Variants in PTPRT observed in about 807,000 individuals in gnomAD.
PTPRT encodes protein tyrosine phosphatase receptor type T.
PTPRT carries 56 observed loss-of-function variants against 176.8 expected under a neutral mutation model. The ratio of observed to expected loss-of-function variants is 0.32; its 90% CI spans 0.26 to 0.40. The LOEUF is 0.40. Ranked by LOEUF, PTPRT falls within the 10% of genes least tolerant of loss-of-function variation. The pLI, the probability that PTPRT is intolerant of heterozygous loss-of-function variation, is 1.00. For synonymous variants in PTPRT, 783 were observed against 739.0 expected, an observed-to-expected ratio of 1.06 and a Z score of -0.96; for missense variants, 1,540 against 1,908.2, an observed-to-expected ratio of 0.81 and a Z score of 3.60.
intron 6 of PTPRT, among the ~76,000 whole-genome samples, chr20:42,738,984 G>A (rs1022070313): frequency 6.6e-6 from 1 of 152,058 alleles, no homozygotes; most frequent in Non-Finnish European, 1.5e-5. Context: ...TGGGAGGATC[G>A]CTGAGCCTGG....
chr20:42,258,542 C>A (rs1167931905), intron 13 of PTPRT, among the ~76,000 whole-genome samples: 1 of 152,110 alleles, frequency 6.6e-6, no homozygotes, highest in African/African-American at 2.4e-5. Context: ...AAGTCTTGTT[C>A]AAATTTAGGT....
At chr20:42,035,037 T>C in the PTPRT span, among the ~76,000 whole-genome samples, 2 of 152,046 alleles carry the variant, frequency 1.3e-5, no homozygotes, top group Non-Finnish European at 2.9e-5. Flanking sequence ...GTTTGGAGAT[T>C]AGGCATAATT....
intron 1 of PTPRT, among the ~76,000 whole-genome samples, chr20:42,995,767 T>C (rs1445858999): frequency 6.6e-6 from 1 of 152,142 alleles, no homozygotes. Context: ...TTCATCCTTT[T>C]TTGAAAAGTC....
At chr20:42,554,329 C>T (rs569571782) in intron 7 of PTPRT, among the ~76,000 whole-genome samples, 1 of 152,242 alleles carries the variant, frequency 6.6e-6, no homozygotes, top group East Asian at 1.9e-4. Flanking sequence ...AAGCTTCGTG[C>T]ATTAATGGAT....
chr20:42,693,495 A>T (rs574805399), intron 6 of PTPRT, among the ~76,000 whole-genome samples: 3 of 152,314 alleles, frequency 2.0e-5, no homozygotes, highest in African/African-American at 7.2e-5. Flanking sequence ...ATGAGGTATT[A>T]AGCTACAGTA....
chr20:42,708,033 T>C (rs1224740923), intron 6 of PTPRT, among the ~76,000 whole-genome samples: 2 of 152,206 alleles, frequency 1.3e-5, no homozygotes, highest in African/African-American at 4.8e-5. Context: ...CTTAAAATTG[T>C]ATGCAATTAT....
intron 1 of PTPRT, among the ~76,000 whole-genome samples, chr20:42,960,061 G>A (rs190187868): frequency 1.3e-5 from 2 of 152,074 alleles, no homozygotes; most frequent in East Asian, 1.9e-4. Flanking sequence ...GGGTCCTTAG[G>A]TGACAATGAG....
chr20:42,939,242 A>G (rs551702954), intron 1 of PTPRT, among the ~76,000 whole-genome samples: 1 of 152,352 alleles, frequency 6.6e-6, no homozygotes, highest in Non-Finnish European at 1.5e-5. Flanking sequence ...CCTGCCAAGC[A>G]AGGTGGCCTT....
chr20:42,213,805 C>G (rs1315141851), intron 15 of PTPRT, among the ~76,000 whole-genome samples: 1 of 152,098 alleles, frequency 6.6e-6, no homozygotes, highest in Non-Finnish European at 1.5e-5. Flanking sequence ...CAGAGGGAGC[C>G]TGACCCCTCC....
intron 14 of PTPRT, 120 bp downstream of exon 14, chr20:42,248,567 C>T: frequency 7.6e-7 from 1 of 1,316,224 alleles, no homozygotes; most frequent in Non-Finnish European, 1.0e-6. Flanking sequence ...TTCCGGACCT[C>T]AATGGTTATA....
In PTPRT at chr20:42,628,584, T is replaced by C. The variant is rs116382255; in HGVS notation, c.1153+49282A>G. 6.4e-3 allele frequency among the ~76,000 whole-genome samples: 976 copies of C among 152,264 alleles called. 13 individuals carry two copies. Among genetic ancestry groups the C allele is most frequent in the African/African-American group, 0.023 (944 of 41,542 alleles). On this transcript the variant is annotated intron_variant, in intron 7 of 30. Transcript: ENST00000373187. ...ATCCATCCATTTACCTGAAGGTATGTTGACCATCTACTTTGTGTCAGGTAC... is the reference window on the plus strand; with the variant it reads ...ATCCATCCATTTACCTGAAGGTATGCTGACCATCTACTTTGTGTCAGGTAC...
intron 13 of PTPRT, among the ~76,000 whole-genome samples, chr20:42,259,277 T>C (rs1282798778): frequency 6.6e-6 from 1 of 152,196 alleles, no homozygotes; most frequent in Non-Finnish European, 1.5e-5. Context: ...ATAGAGAACG[T>C]CTTCTGGATG....
chr20:42,687,748 G>A (rs2075722784), intron 6 of PTPRT: 1 of 152,192 alleles, frequency 6.6e-6, no homozygotes, highest in South Asian at 2.1e-4. Context: ...GAAGAATGGG[G>A]TGAAAGAAAC....
At chr20:43,151,774 T>A (rs6030672) in intron 1 of PTPRT, among the ~76,000 whole-genome samples, 134,259 of 152,000 alleles carry the variant, frequency 0.88, 59,777 homozygotes, top group East Asian at 0.97. Context: ...GAGGTAGGAG[T>A]ATCACTTGAA....
Position 42,085,964 on chromosome 20 carries a change from T to G in PTPRT, c.3847-111A>C, listed in dbSNP as rs1983860155. 5.6e-6 allele frequency: 7 copies of G among 1,244,798 alleles called. No homozygotes were observed. The South Asian group carries it at 1.1e-4, about 19-fold the overall frequency. 77.1% of individuals were successfully genotyped at this position (1,244,798 alleles called of 1,614,324 possible). ...TTTTTTTCTTTTTCTTTTTTTTTTTTGAGATGGAGCATCACTCTTGTTGCC... is the reference window on the plus strand; with the variant it reads ...TTTTTTTCTTTTTCTTTTTTTTTTTGGAGATGGAGCATCACTCTTGTTGCC... On this transcript the variant is annotated intron_variant, in intron 27 of 30. Coordinates refer to ENST00000373187, the MANE Select transcript of PTPRT (RefSeq NM_007050.6).
At chr20:42,071,870 G>A (rs1310580916), downstream of PTPRT, among the ~76,000 whole-genome samples, 10 of 152,070 alleles carry the variant, frequency 6.6e-5, no homozygotes, top group Admixed American at 6.6e-4. Context: ...TGTTGCCCAG[G>A]CTGGTCTTGA....
Position 42,862,884 on chromosome 20 carries a change from T to C in PTPRT, c.214+22923A>G, listed in dbSNP as rs569967314. Among the ~76,000 whole-genome samples the C allele has an allele frequency of 4.3e-4, 66 of 152,272 alleles. 3 individuals are homozygous for C. The South Asian group carries it at 7.9e-3, about 18-fold the overall frequency. ...TAGCTGAGAGCACTGTATTTCTTTA[T>C]AACAGGAAGCTTGGGCCCAGCTGTT... is the stretch of plus-strand genomic sequence containing the variant. On this transcript the variant is annotated intron_variant, in intron 2 of 30. Coordinates refer to ENST00000373187, the MANE Select transcript of PTPRT (RefSeq NM_007050.6).
chr20:42,353,961 G>T (rs993966871), intron 9 of PTPRT, among the ~76,000 whole-genome samples: 9 of 152,066 alleles, frequency 5.9e-5, no homozygotes, highest in Non-Finnish European at 1.3e-4. Context: ...GGCTGAGGTG[G>T]GAAGATGGCT....
At chr20:43,024,282 C>T (rs1161748454) in intron 1 of PTPRT, among the ~76,000 whole-genome samples, 1 of 151,974 alleles carries the variant, frequency 6.6e-6, no homozygotes, top group Non-Finnish European at 1.5e-5. Flanking sequence ...TGACACAAAA[C>T]CAAGGCAGAA....
Sources: gnomAD v4.1 joint callset for allele counts (sites outside exome capture counted in the v4.1 genomes callset) on GRCh38, gnomAD v4.1.1 for gene constraint, MANE v1.5 for transcripts, NCBI Gene and HGNC (gene_info 2026-07-23, HGNC 2026-07-21) for gene names.